TASOR: variants seen among roughly 807,000 people sequenced by gnomAD.
TASOR encodes protein TASOR.
Under a neutral mutation model 178.6 loss-of-function variants are expected in TASOR, and 53 were observed. That is an observed-to-expected ratio of 0.30 (90% CI 0.24 to 0.37). The LOEUF is 0.37. TASOR is among the 10% of genes least tolerant of loss of function. The probability of loss-of-function intolerance (pLI) is 1.00; values close to 1 mark genes in which losing one functional copy is unlikely to be tolerated. For synonymous variants in TASOR, 713 were observed against 696.2 expected (o/e 1.02, Z -0.38); for missense variants, 1,815 against 1,971.4 (o/e 0.92, Z 1.50).
intron 1 of TASOR, among the ~76,000 whole-genome samples, chr3:56,675,568 A>C (rs1361383753): frequency 7.6e-6 from 1 of 131,084 alleles, no homozygotes. Context: ...CTTATGCACA[A>C]AATACTTTAA....
chr3:56,669,920 A>G, intron 4 of TASOR, 129 bp from the exon 5 acceptor site: 1 of 878,740 alleles, frequency 1.1e-6, no homozygotes, highest in African/African-American at 1.7e-5. Flanking sequence ...AAAAGATAAA[A>G]CTGATCTTAC....
chr3:56,654,123 C>CA (rs1205346352), intron 11 of TASOR, among the ~76,000 whole-genome samples: 1 of 152,010 alleles, frequency 6.6e-6, no homozygotes, highest in African/African-American at 2.4e-5. Context: ...AAAAATTAGC[C>CA]AGGTGTCATG....
intron 14 of TASOR, among the ~76,000 whole-genome samples, chr3:56,645,485 G>A (rs965378055): frequency 6.6e-6 from 1 of 152,186 alleles, no homozygotes; most frequent in African/African-American, 2.4e-5. Flanking sequence ...AATCAGAGGA[G>A]CAACAGTAAC....
intron 3 of TASOR, 89 bp from the exon 4 acceptor site, chr3:56,670,234 A>G (rs2030536952): frequency 2.6e-6 from 2 of 770,748 alleles, no homozygotes; most frequent in Non-Finnish European, 4.0e-6. Flanking sequence ...TTAAATAAAA[A>G]CAAAGCTTCT....
chr3:56,628,839 C>A lies in TASOR; in HGVS notation c.3748-225G>T, dbSNP rs1174635061. 15 of 296,512 alleles carry A rather than the reference C, an allele frequency of 5.1e-5. No homozygotes were observed. In the East Asian group the frequency reaches 9.4e-4, roughly 19 times the overall value. The allele number at this position is 296,512 out of a possible 1,614,324, so 18.4% of individuals were successfully genotyped here. On this transcript the variant is annotated intron_variant, in intron 18 of 23. Coordinates refer to ENST00000683822, the MANE Select transcript of TASOR (RefSeq NM_001365635.2). Reference sequence around the variant, plus strand: ...ATAGCAGCATGATCACAGCTCACTGCAGCCTTGACCTCCCAGGCTCAAGCC... The same window carrying A: ...ATAGCAGCATGATCACAGCTCACTGAAGCCTTGACCTCCCAGGCTCAAGCC...
rs2076706971 is a variant in TASOR at position 56,622,382 on chromosome 3, C to CCTAT, written c.*651_*654dup. On this transcript the variant is annotated 3_prime_UTR_variant, in exon 24 of 24. Transcript: ENST00000683822. ...GTTCAACGCCTTTGATAAACAGAAG[C>CCTAT]CTATCTTTTGAAATAAAAAATTTAA... 1.3e-5 allele frequency: 2 copies of CCTAT among 152,124 alleles called. No individual in the cohort carries two copies. Among genetic ancestry groups the CCTAT allele is most frequent in the Admixed American group, 1.3e-4 (2 of 15,264 alleles). The allele number at this position is 152,124 out of a possible 1,614,324, so 9.4% of individuals were successfully genotyped here. A position where few individuals can be genotyped will look rare whatever the true frequency, so the allele number is the denominator to read the frequency against.
chr3:56,637,351 G>A (rs1045683295), intron 17 of TASOR, among the ~76,000 whole-genome samples: 1 of 152,164 alleles, frequency 6.6e-6, no homozygotes, highest in African/African-American at 2.4e-5. Context: ...GTGAAACCCT[G>A]TCTCTACTAA....
intron 6 of TASOR, among the ~76,000 whole-genome samples, chr3:56,667,958 T>C (rs1035955173): frequency 6.6e-6 from 1 of 152,198 alleles, no homozygotes. Flanking sequence ...AGATAGAAAA[T>C]ACCTATCAAA....
intron 18 of TASOR, among the ~76,000 whole-genome samples, chr3:56,630,714 G>A (rs1203859998): frequency 3.3e-5 from 5 of 152,026 alleles, no homozygotes; most frequent in Admixed American, 1.3e-4. Flanking sequence ...GAGTGGTGGC[G>A]GGTGCCTGCA....
chr3:56,628,418 G>T, intron 19 of TASOR, 74 bp downstream of exon 19: 1 of 1,325,246 alleles, frequency 7.5e-7, no homozygotes, highest in Non-Finnish European at 1.1e-6. Context: ...AAAAACACTA[G>T]TCTGGCAGAC....
At chr3:56,628,386 A>T in intron 19 of TASOR, 106 bp downstream of exon 19, 1 of 1,070,750 alleles carries the variant, frequency 9.3e-7, no homozygotes, top group Non-Finnish European at 1.4e-6. Context: ...CCTTAAGTTT[A>T]ATCTCCTTTA....
intron 1 of TASOR, among the ~76,000 whole-genome samples, chr3:56,677,422 A>G (rs142315487): frequency 3.3e-4 from 51 of 152,338 alleles, no homozygotes; most frequent in Non-Finnish European, 6.9e-4. Flanking sequence ...AGCTTTACAT[A>G]TATCATCTCA....
At chr3:56,654,496 T>A (rs1218128403) in intron 11 of TASOR, among the ~76,000 whole-genome samples, 1 of 152,100 alleles carries the variant, frequency 6.6e-6, no homozygotes, top group Non-Finnish European at 1.5e-5. Flanking sequence ...ACAGAATAAA[T>A]ACCATGTGTG....
At chr3:56,625,158 T>C (rs551603515) in intron 21 of TASOR, 152 bp from the exon 22 acceptor site, 146 of 718,328 alleles carry the variant, frequency 2.0e-4, no homozygotes, top group Admixed American at 9.1e-4. Flanking sequence ...GGTGTGCTTC[T>C]TTGGAAAGAA....
In TASOR at chr3:56,646,938, G is replaced by C; in HGVS notation, c.1799C>G (p.Thr600Ser). 1 of 1,612,060 alleles carries C rather than the reference G, an allele frequency of 6.2e-7. No individual in the cohort carries two copies. Among genetic ancestry groups the C allele is most frequent in the South Asian group, 1.1e-5 (1 of 90,166 alleles). ...SAPRNKSHIDTCLHAYIFRPE... is the reference protein window; with the variant it reads ...SAPRNKSHIDSCLHAYIFRPE... ...CCGAAAAATATAGGCATGCAAACAA[G>C]TATCAATATGGGATTTATTTCTGGG... The change falls in exon 14 of 24, where the codon ACT (threonine) becomes AGT (serine). Residue 600 changes from threonine to serine, a missense_variant. By Grantham distance (58) the Thr-to-Ser change is moderately conservative. Transcript: ENST00000683822.
At chr3:56,658,916 AAGAGAG>A in intron 11 of TASOR, among the ~76,000 whole-genome samples, 1 of 149,472 alleles carries the variant, frequency 6.7e-6, no homozygotes, top group South Asian at 2.1e-4. Context: ...TCAAAAAAAA[AAGAGAG>A]AGAGACAGAG....
intron 1 of TASOR, among the ~76,000 whole-genome samples, chr3:56,678,530 T>C (rs537972098): frequency 3.8e-4 from 58 of 152,216 alleles, no homozygotes; most frequent in African/African-American, 1.2e-3. Context: ...GGCATTGATA[T>C]ATAATTTAGG....
Position 56,624,596 on chromosome 3 carries a change from C to T in TASOR, c.4366G>A (p.Val1456Ile). ...LSSYTDNGIV[V>I]ATAEDFMQNF... is the part of the protein sequence containing the mutation. ...TGCATGAAGTCTTCAGCAGTTGCAA[C>T]CACTATTCCATTATCTGTATAACTG... Residue 1456 changes from valine (V) to isoleucine (I), a missense_variant, in exon 23 of 24, where the codon GTT becomes ATT. By Grantham distance (29) the Val-to-Ile change is conservative. This residue lies in a region of TASOR where 278 missense variants were observed against 257.1 expected (regional missense o/e 1.08). Coordinates refer to ENST00000683822, the MANE Select transcript of TASOR (RefSeq NM_001365635.2). 6.2e-7 allele frequency: 1 copy of T among 1,614,056 alleles called. No homozygotes were observed. The highest frequency in any genetic ancestry group is 8.5e-7 in the Non-Finnish European group (1 of 1,179,934).
chr3:56,625,746 C>T (rs759105234), intron 21 of TASOR, among the ~76,000 whole-genome samples: 7 of 151,602 alleles, frequency 4.6e-5, no homozygotes, highest in Non-Finnish European at 1.0e-4. Context: ...GCCTCAGCTT[C>T]CCGAGTAGCT....
Sources: allele counts gnomAD v4.1 joint callset (sites outside exome capture counted in the v4.1 genomes callset), GRCh38; gene constraint gnomAD v4.1.1; regional missense constraint gnomAD v4.1.1; transcripts MANE v1.5; gene names NCBI Gene and HGNC (gene_info 2026-07-23, HGNC 2026-07-21).